The following STAB1 variants were observed in gnomAD, a reference collection of about 807,000 sequenced individuals.
STAB1 encodes stabilin-1.
In STAB1, 250 loss-of-function variants were observed where a neutral mutation model predicts 332.4. The ratio of observed to expected loss-of-function variants is 0.75; its 90% CI spans 0.68 to 0.84. STAB1 has a LOEUF of 0.84. Among genes scored for constraint, STAB1 ranks in the 40% least tolerant of loss-of-function variants. The pLI, the probability that STAB1 is intolerant of heterozygous loss-of-function variation, is 0.00. For missense variants in STAB1, 3,249 were observed against 3,489.7 expected (o/e 0.93, Z 1.74); for synonymous variants, 1,475 against 1,390.4 (o/e 1.06, Z -1.35).
chr3:52,509,209 G>C lies in STAB1; in HGVS notation c.2236-1G>C. 1.2e-6 allele frequency: 2 copies of C among 1,613,322 alleles called. No individual in the cohort carries two copies. Among genetic ancestry groups the C allele is most frequent in the Non-Finnish European group, 1.7e-6 (2 of 1,179,726 alleles). ...GATCCTGCCTTCTGCTCACTCTCTA[G>C]TGCAGTGATGGGATCCAGGGCAATG... On this transcript the variant is annotated splice_acceptor_variant, in intron 21 of 68. Transcript: ENST00000321725. LOFTEE classifies it high-confidence loss of function.
chr3:52,503,186 G>A, intron 7 of STAB1, 77 bp downstream of exon 7: 1 of 1,509,338 alleles, frequency 6.6e-7, no homozygotes, highest in Non-Finnish European at 9.0e-7. Flanking sequence ...AACCCAGCAA[G>A]TGCAATGTAA....
chr3:52,516,559 T>C lies in STAB1; in HGVS notation c.4258T>C (p.Cys1420Arg), dbSNP rs767428216. 6.2e-7 allele frequency: 1 copy of C among 1,613,060 alleles called. No individual in the cohort carries two copies. Residue 1420 changes from cysteine to arginine, a missense_variant, in exon 40 of 69, where the codon TGC (cysteine) becomes CGC (arginine). By Grantham distance (180) the Cys-to-Arg change is radical. Coordinates refer to ENST00000321725, the MANE Select transcript of STAB1 (RefSeq NM_015136.3). The part of the protein sequence containing the change: ...RCDQKITSPQ[C>R]PRKCDPNANC... ...CCCCCCAGAAATCACCAGCCCTCAGTGCCCTAGGAAGTGCGACCCCAATGC... is the reference window on the plus strand; with the variant it reads ...CCCCCCAGAAATCACCAGCCCTCAGCGCCCTAGGAAGTGCGACCCCAATGC...
chr3:52,522,652 C>T lies in STAB1; in HGVS notation c.6708C>T (p.Val2236=), dbSNP rs753914033. ...CGGCATGCGAAGCACAGGGAGCCGTCCTTGCTTCATTCCCTCAGCTCTCTG... is the reference window on the plus strand; with the variant it reads ...CGGCATGCGAAGCACAGGGAGCCGTTCTTGCTTCATTCCCTCAGCTCTCTG... ...AEAACEAQGA[V]LASFPQLSAA... is the part of the protein sequence containing the mutation. The change falls in exon 61 of 69, where the codon GTC becomes GTT. Residue 2236 remains valine, a synonymous_variant. Coordinates refer to ENST00000321725, the MANE Select transcript of STAB1 (RefSeq NM_015136.3). 1.9e-6 allele frequency: 3 copies of T among 1,612,852 alleles called. No homozygotes were observed. In the African/African-American group the frequency reaches 4.0e-5, roughly 22 times the overall value.
In STAB1 at chr3:52,507,928, T is replaced by C. The variant is rs767452091; in HGVS notation, c.2053-3T>C. 6.2e-7 allele frequency: 1 copy of C among 1,613,096 alleles called. No individual in the cohort carries two copies. The highest frequency in any genetic ancestry group is 1.3e-5 in the African/African-American group (1 of 75,046). Reference sequence around the variant, plus strand: ...CTGACTGGCTTTGCATGGCCCACCCTAGGACATCTTCCCCAAGGAGTGTGT... The same window carrying C: ...CTGACTGGCTTTGCATGGCCCACCCCAGGACATCTTCCCCAAGGAGTGTGT... On this transcript the variant is annotated splice_polypyrimidine_tract_variant and splice_region_variant and intron_variant, in intron 19 of 68. Coordinates refer to ENST00000321725, the MANE Select transcript of STAB1 (RefSeq NM_015136.3).
chr3:52,520,259 C>G lies in STAB1; in HGVS notation c.5468C>G (p.Pro1823Arg), dbSNP rs759344994. 5.6e-6 allele frequency: 9 copies of G among 1,613,050 alleles called. No homozygotes were observed. In the East Asian group the frequency reaches 1.1e-4, roughly 20 times the overall value. The change falls in exon 52 of 69, where the codon CCC (proline) becomes CGC (arginine). Residue 1823 changes from proline to arginine, a missense_variant. Transcript: ENST00000321725. ...CCACTTCGAACCATGCATGGGACCC[C>G]CATCTCTTTCTCCTGCAGCCGAACG... ...LGPLRTMHGTPISFSCSRTRA... is the reference protein window; with the variant it reads ...LGPLRTMHGTRISFSCSRTRA...
intron 2 of STAB1, 76 bp downstream of exon 2, chr3:52,501,378 C>T: frequency 6.4e-7 from 1 of 1,571,224 alleles, no homozygotes; most frequent in Non-Finnish European, 8.7e-7. Flanking sequence ...GCCTGACAGG[C>T]CCACAAAATG....
At position 52,516,136 on chromosome 3, in the gene STAB1, G is replaced by T; in HGVS notation, c.4042G>T (p.Asp1348Tyr). The change falls in exon 38 of 69, where the codon GAC (aspartate) becomes TAC (tyrosine). Residue 1348 changes from aspartate to tyrosine, a missense_variant. By Grantham distance (160) the Asp-to-Tyr change is radical (BLOSUM62 -3). Transcript: ENST00000321725. Reference sequence around the variant, plus strand: ...GTGCTCAGGCCATGGGCAGTGCCAGGACAGGTTCCTGGGCAGCGGGGAGTG... The same window carrying T: ...GTGCTCAGGCCATGGGCAGTGCCAGTACAGGTTCCTGGGCAGCGGGGAGTG... ...GVCSGHGQCQ[D>Y]RFLGSGECHC... 5 of 1,612,216 alleles carry T rather than the reference G, an allele frequency of 3.1e-6. No individual in the cohort carries two copies. Among genetic ancestry groups the T allele is most frequent in the Non-Finnish European group, 4.2e-6 (5 of 1,179,726 alleles).
In STAB1 at chr3:52,510,490, T is replaced by C; in HGVS notation, c.2770T>C (p.Tyr924His). Residue 924 changes from tyrosine to histidine, a missense_variant, in exon 25 of 69, where the codon TAT becomes CAT. Physicochemically the swap from Tyr to His is moderately conservative, Grantham distance 83 (BLOSUM62 2). Transcript: ENST00000321725. ...CTGCCACACCGATGCCCTCTGCAGC[T>C]ATGTGGGCCCCGGGCAGGTGAGGTG... ...GGCHTDALCSYVGPGQSRCTC... is the reference protein window; with the variant it reads ...GGCHTDALCSHVGPGQSRCTC... 6.2e-7 allele frequency: 1 copy of C among 1,613,368 alleles called. No individual in the cohort carries two copies. Among genetic ancestry groups the C allele is most frequent in the Non-Finnish European group, 8.5e-7 (1 of 1,179,834 alleles).
Position 52,513,227 on chromosome 3 carries a change from C to A in STAB1, c.3256C>A (p.Arg1086Ser). Residue 1086 changes from arginine to serine, a missense_variant, in exon 30 of 69, where the codon CGC becomes AGC. Arg to Ser is a moderately radical substitution (Grantham distance 110). Coordinates refer to ENST00000321725, the MANE Select transcript of STAB1 (RefSeq NM_015136.3). ...TLNPTTRWEI[R>S]NISGRVWVQN... is the part of the protein sequence containing the mutation. ...GAACCCCACCACACGCTGGGAGATT[C>A]GCAACATTAGTGGGGTATGTGGTGA... 1 of 1,579,828 alleles carries A rather than the reference C, an allele frequency of 6.3e-7. No individual in the cohort carries two copies. The highest frequency in any genetic ancestry group is 8.6e-7 in the Non-Finnish European group (1 of 1,163,626).
At position 52,514,783 on chromosome 3, in the gene STAB1, C is replaced by A. The variant is rs750314449; in HGVS notation, c.3761C>A (p.Thr1254Lys). The change falls in exon 35 of 69, where the codon ACG becomes AAG. Residue 1254 changes from threonine to lysine, a missense_variant. By Grantham distance (78) the Thr-to-Lys change is moderately conservative. Coordinates refer to ENST00000321725, the MANE Select transcript of STAB1 (RefSeq NM_015136.3). The part of the protein sequence containing the change: ...RSLIGLSGVL[T>K]VGSSRCLHSH... ...CTGATTGGTCTGTCGGGGGTCCTGA[C>A]GGTGGGCTCAAGTCGCTGCCTGCAT... 6.2e-7 allele frequency: 1 copy of A among 1,612,938 alleles called. No individual in the cohort carries two copies. The highest frequency in any genetic ancestry group is 1.1e-5 in the South Asian group (1 of 91,086).
rs1206347245 is a variant in STAB1, at chr3:52,505,239, G to T, written c.1519-80G>T. 1.9e-6 allele frequency: 3 copies of T among 1,606,956 alleles called. No individual in the cohort carries two copies. In the African/African-American group the frequency reaches 4.0e-5, roughly 21 times the overall value. Reference sequence around the variant, plus strand: ...GTGGGCAGGAGCCATTCTACTCAGGGCTGGAGCGCAGCTTCTCCCCGCTGG... The same window carrying T: ...GTGGGCAGGAGCCATTCTACTCAGGTCTGGAGCGCAGCTTCTCCCCGCTGG... On this transcript the variant is annotated intron_variant, in intron 13 of 68. Coordinates refer to ENST00000321725, the MANE Select transcript of STAB1 (RefSeq NM_015136.3).
chr3:52,507,731 G>A (rs1200351902), intron 19 of STAB1, 56 bp downstream of exon 19: 2 of 1,607,222 alleles, frequency 1.2e-6, no homozygotes, highest in Non-Finnish European at 8.5e-7. Flanking sequence ...TGAGGTTTCT[G>A]CCCTGGGTCA....
At position 52,523,547 on chromosome 3, in the gene STAB1, G is replaced by C; in HGVS notation, c.7261G>C (p.Gly2421Arg). 1 of 1,612,848 alleles carries C rather than the reference G, an allele frequency of 6.2e-7. No individual in the cohort carries two copies. Among genetic ancestry groups the C allele is most frequent in the South Asian group, 1.1e-5 (1 of 91,084 alleles). The change falls in exon 65 of 69, where the codon GGC (glycine) becomes CGC (arginine). Residue 2421 changes from glycine to arginine, a missense_variant. Coordinates refer to ENST00000321725, the MANE Select transcript of STAB1 (RefSeq NM_015136.3). ...CCTCAGCCTCATCATCAGTGACGCA[G>C]GCCCTGACAACAGTTCCTGGGCCCC... ...SGLSLIISDA[G>R]PDNSSWAPVA...
rs1708631713 is a variant in STAB1 at position 52,503,791 on chromosome 3, C to T, written c.911C>T (p.Pro304Leu). The change falls in exon 9 of 69, where the codon CCA becomes CTA. Residue 304 changes from proline to leucine, a missense_variant. By Grantham distance (98) the Pro-to-Leu change is moderately conservative. Coordinates refer to ENST00000321725, the MANE Select transcript of STAB1 (RefSeq NM_015136.3). ...GGCCAGGCCTTCTGCACCTGCCGGC[C>T]AGGCCTGGTCAGCATCAACAGCAAC... is the stretch of plus-strand genomic sequence containing the variant. Reference protein sequence around the residue: ...KPGQAFCTCRPGLVSINSNAS... With the variant: ...KPGQAFCTCRLGLVSINSNAS... The T allele has an allele frequency of 1.1e-5, 18 of 1,613,044 alleles. No individual in the cohort carries two copies. The highest frequency in any genetic ancestry group is 1.5e-5 in the Non-Finnish European group (18 of 1,180,022).
At chr3:52,505,466 G>T in intron 14 of STAB1, 85 bp downstream of exon 14, 2 of 1,434,644 alleles carry the variant, frequency 1.4e-6, no homozygotes, top group South Asian at 2.5e-5. Flanking sequence ...GCCCCACAGT[G>T]ACCTGGGGTT....
At chr3:52,515,120 C>A in intron 36 of STAB1, 75 bp downstream of exon 36, 1 of 1,547,790 alleles carries the variant, frequency 6.5e-7, no homozygotes, top group Non-Finnish European at 8.8e-7. Flanking sequence ...AATCCCCTCA[C>A]CCTCCAGCCC....
rs756705071 is a variant in STAB1, at chr3:52,520,362, C to T, written c.5500-38C>T. On this transcript the variant is annotated intron_variant, in intron 52 of 68. Coordinates refer to ENST00000321725, the MANE Select transcript of STAB1 (RefSeq NM_015136.3). ...CCCTGGCAGTAGCAGCTGGAGTGCACCTGCGACCCTTGCATACCTCATATT... is the reference window on the plus strand; with the variant it reads ...CCCTGGCAGTAGCAGCTGGAGTGCATCTGCGACCCTTGCATACCTCATATT... The T allele has an allele frequency of 1.8e-5, 29 of 1,612,734 alleles. No individual in the cohort carries two copies. In the South Asian group the frequency reaches 3.0e-4, roughly 16 times the overall value.
At chr3:52,518,448 G>A in intron 46 of STAB1, 88 bp from the exon 47 acceptor site, 2 of 1,568,796 alleles carry the variant, frequency 1.3e-6, no homozygotes, top group Non-Finnish European at 1.7e-6. Context: ...TGGCTGGTTT[G>A]TTCTCTCTGA....
rs1254884261 is a variant in STAB1 at position 52,503,031 on chromosome 3, C to T, written c.616C>T (p.Gln206Ter). Residue 206 changes from glutamine to a stop codon, truncating the protein, a stop_gained, in exon 7 of 69, where the codon CAG becomes TAG. Coordinates refer to ENST00000321725, the MANE Select transcript of STAB1 (RefSeq NM_015136.3). LOFTEE classifies it high-confidence loss of function. ...LPVCQELRCP[Q>*]NTQCSAEAPS... ...CGTCTGCCAGGAGCTGCGCTGTCCC[C>T]AGAACACCCAGTGCTCCGCAGAGGC... 6.2e-7 allele frequency: 1 copy of T among 1,601,338 alleles called. No individual in the cohort carries two copies. Among genetic ancestry groups the T allele is most frequent in the Admixed American group, 1.7e-5 (1 of 58,746 alleles).
Sources: allele counts gnomAD v4.1 joint callset, GRCh38; gene constraint gnomAD v4.1.1; transcripts MANE v1.5; gene names NCBI Gene and HGNC (gene_info 2026-07-23, HGNC 2026-07-21).